OSMR: variants seen among roughly 807,000 people sequenced by gnomAD.
OSMR encodes the protein oncostatin-M-specific receptor subunit beta.
OSMR carries 81 observed loss-of-function variants against 99.9 expected under a neutral mutation model. The ratio of observed to expected loss-of-function variants is 0.81; its 90% CI spans 0.68 to 0.97. The LOEUF (loss-of-function observed/expected upper bound fraction) is 0.97. Ranked by LOEUF, OSMR falls within the 50% of genes least tolerant of loss-of-function variation. The probability of loss-of-function intolerance (pLI) is 0.00; values close to 1 mark genes in which losing one functional copy is unlikely to be tolerated. For synonymous variants in OSMR, 406 were observed against 410.4 expected (o/e 0.99, Z 0.13); for missense variants, 1,099 against 1,153.4 (o/e 0.95, Z 0.68).
chr5:38,906,010 G>T (rs901508570), intron 9 of OSMR, among the ~76,000 whole-genome samples: 1 of 152,082 alleles, frequency 6.6e-6, no homozygotes, highest in Admixed American at 6.5e-5. Flanking sequence ...CCCTGGTGGT[G>T]TCTGCCTATC....
Position 38,846,341 on chromosome 5 carries a change from C to A in OSMR, c.-60C>A, listed in dbSNP as rs188144236. Reference sequence around the variant, plus strand: ...GTTTGCTTGGCTGGGCTACCACCTGCGCTCGGACGGCGCTCGGAGGGTCCT... The same window carrying A: ...GTTTGCTTGGCTGGGCTACCACCTGAGCTCGGACGGCGCTCGGAGGGTCCT... On this transcript the variant is annotated 5_prime_UTR_variant, in exon 1 of 18. Coordinates refer to ENST00000274276, the MANE Select transcript of OSMR (RefSeq NM_003999.3). 1 of 152,314 alleles carries A rather than the reference C, an allele frequency of 6.6e-6. No individual in the cohort carries two copies. The highest frequency in any genetic ancestry group is 1.5e-5 in the Non-Finnish European group (1 of 68,116). The allele number at this position is 152,314 out of a possible 1,614,324, so 9.4% of individuals were successfully genotyped here. A position where few individuals can be genotyped will look rare whatever the true frequency, so the allele number is the denominator to read the frequency against.
In OSMR at chr5:38,932,883, C is replaced by T; in HGVS notation, c.2379C>T (p.His793=). The change falls in exon 18 of 18, where the codon CAC becomes CAT. Residue 793 remains histidine, a synonymous_variant. Transcript: ENST00000274276. ...TGTTTCCTTTCTAGGAGAACCCTCA[C>T]CTAATAATAATGAATGTCAGTGACT... ...LSLIKFKENP[H]LIIMNVSDCI... 1 of 1,613,832 alleles carries T rather than the reference C, an allele frequency of 6.2e-7. No individual in the cohort carries two copies. Among genetic ancestry groups the T allele is most frequent in the Non-Finnish European group, 8.5e-7 (1 of 1,179,780 alleles).
chr5:38,881,962 C>T (rs1743323338), intron 4 of OSMR, among the ~76,000 whole-genome samples, 198 bp downstream of exon 4: 1 of 152,196 alleles, frequency 6.6e-6, no homozygotes. Context: ...TGCTCCTGAA[C>T]TTACTCATTG....
At chr5:38,941,322 A>C (rs558753684) in intron 1 of OSMR, 1 of 207,674 alleles carries the variant, frequency 4.8e-6, no homozygotes, top group Non-Finnish European at 9.5e-6. Flanking sequence ...AAGCTTTATT[A>C]ATGTTTTTTT....
chr5:38,894,510 A>C (rs1468567619), intron 7 of OSMR, among the ~76,000 whole-genome samples: 2 of 152,190 alleles, frequency 1.3e-5, no homozygotes, highest in African/African-American at 4.8e-5. Context: ...AAGATCTGTC[A>C]TAAAAATGGA....
chr5:38,889,420 T>C (rs1221505257), intron 7 of OSMR, among the ~76,000 whole-genome samples: 2 of 152,178 alleles, frequency 1.3e-5, no homozygotes, highest in African/African-American at 4.8e-5. Flanking sequence ...TAAGAAATTA[T>C]CTGTTGTGTT....
chr5:38,903,317 T>C (rs1745014785), intron 7 of OSMR, among the ~76,000 whole-genome samples: 1 of 152,140 alleles, frequency 6.6e-6, no homozygotes, highest in Non-Finnish European at 1.5e-5. Flanking sequence ...ATCTTATCTC[T>C]GAGTTCTTCA....
At chr5:38,902,404 G>C (rs760694427) in intron 7 of OSMR, among the ~76,000 whole-genome samples, 1 of 152,186 alleles carries the variant, frequency 6.6e-6, no homozygotes, top group Non-Finnish European at 1.5e-5. Flanking sequence ...GGCCCAACGG[G>C]CCCTGCCCAC....
intron 2 of OSMR, among the ~76,000 whole-genome samples, chr5:38,875,615 T>A (rs1742755765): frequency 6.6e-6 from 1 of 152,238 alleles, no homozygotes; most frequent in Admixed American, 6.5e-5. Context: ...TCCAACTAGC[T>A]TCCTTCTTTG....
chr5:38,921,762 G>T lies in OSMR; in HGVS notation c.1733G>T (p.Gly578Val), dbSNP rs144394280. ...VLGDFQWKNV[G>V]PNTTSTVIST... ...GGTGATTTCCAGTGGAAGAATGTAG[G>T]TCCCAATACCACAAGCACAGTCATT... The change falls in exon 12 of 18, where the codon GGT (glycine) becomes GTT (valine). Residue 578 changes from glycine (G) to valine (V), a missense_variant. Gly to Val is a moderately radical substitution (Grantham distance 109). Transcript: ENST00000274276. 2 of 1,613,910 alleles carry T rather than the reference G, an allele frequency of 1.2e-6. No individual in the cohort carries two copies. The highest frequency in any genetic ancestry group is 1.3e-5 in the African/African-American group (1 of 74,878).
intron 1 of OSMR, among the ~76,000 whole-genome samples, chr5:38,865,451 GT>G (rs1416449292): frequency 6.6e-6 from 1 of 152,176 alleles, no homozygotes; most frequent in Non-Finnish European, 1.5e-5. Context: ...GAGTGGTTAG[GT>G]TTTGATTCTG....
At chr5:38,874,443 A>G (rs913105930) in intron 2 of OSMR, among the ~76,000 whole-genome samples, 1 of 152,162 alleles carries the variant, frequency 6.6e-6, no homozygotes, top group African/African-American at 2.4e-5. Flanking sequence ...TCTCACTTTC[A>G]TAGAATGAGT....
At chr5:38,921,839 A>C in intron 12 of OSMR, 45 bp downstream of exon 12, 1 of 1,503,422 alleles carries the variant, frequency 6.7e-7, no homozygotes, top group Non-Finnish European at 9.3e-7. Context: ...ATTCACCTTG[A>C]AGAAAGTTCA....
chr5:38,869,152 A>C (rs1742180163), intron 2 of OSMR, 35 bp downstream of exon 2: 1 of 1,442,494 alleles, frequency 6.9e-7, no homozygotes, highest in Admixed American at 1.7e-5. Flanking sequence ...GACAAAAATC[A>C]CGTCGGGAAC....
At chr5:38,945,157 A>G, downstream of OSMR, 1 of 941,194 alleles carries the variant, frequency 1.1e-6, no homozygotes, top group South Asian at 1.7e-5. Flanking sequence ...ATAATATAAA[A>G]TAACATCTTC....
chr5:38,863,182 A>G (rs1462673089), intron 1 of OSMR, among the ~76,000 whole-genome samples: 4 of 27,290 alleles, frequency 1.5e-4, no homozygotes, highest in African/African-American at 6.1e-4. Context: ...CCGTGGGGAG[A>G]GGGAGAGGGA....
In OSMR at chr5:38,934,695, G is replaced by A. The variant is rs1462811575; in HGVS notation, c.*1251G>A. 1 of 152,102 alleles carries A rather than the reference G, an allele frequency of 6.6e-6. No homozygotes were observed. Among genetic ancestry groups the A allele is most frequent in the African/African-American group, 2.4e-5 (1 of 41,398 alleles). 9.4% of individuals were successfully genotyped at this position (152,102 alleles called of 1,614,324 possible). ...AGTTTTTATATTTTTAGTAGAGATT[G>A]GGTTTTACCATATTGGCCAGGCTGG... is the stretch of plus-strand genomic sequence containing the variant. On this transcript the variant is annotated 3_prime_UTR_variant, in exon 18 of 18. Transcript: ENST00000274276.
At chr5:38,885,525 G>C in intron 6 of OSMR, 41 bp downstream of exon 6, 2 of 1,611,724 alleles carry the variant, frequency 1.2e-6, no homozygotes, top group East Asian at 2.2e-5. Context: ...CTTCTTCCTT[G>C]CTTGAGGTGC....
chr5:38,939,860 ATAATT>A (rs1361257527), downstream of OSMR: 13 of 224,220 alleles, frequency 5.8e-5, no homozygotes, highest in Admixed American at 1.7e-4. Context: ...CTCTTCTGCT[ATAATT>A]TAATATTTTT....
Sources: allele counts gnomAD v4.1 joint callset (sites outside exome capture counted in the v4.1 genomes callset), GRCh38; gene constraint gnomAD v4.1.1; transcripts MANE v1.5; gene names NCBI Gene and HGNC (gene_info 2026-07-23, HGNC 2026-07-21).